The following USP47 variants were observed in gnomAD, a reference collection of about 807,000 sequenced individuals.
USP47 encodes ubiquitin specific peptidase 47.
Under a neutral mutation model 165.1 loss-of-function variants are expected in USP47, and 35 were observed. The observed-to-expected ratio is 0.21, with a 90% confidence interval of 0.16 to 0.28. The LOEUF is 0.28. Among genes scored for constraint, USP47 ranks in the 10% least tolerant of loss-of-function variants. The pLI is 1.00. For missense variants in USP47, 1,277 were observed against 1,607.4 expected, an observed-to-expected ratio of 0.79 and a Z score of 3.52; for synonymous variants, 531 against 544.5, an observed-to-expected ratio of 0.98 and a Z score of 0.35.
At chr11:11,940,817 T>G (rs1855417063) in intron 19 of USP47, among the ~76,000 whole-genome samples, 1 of 151,846 alleles carries the variant, frequency 6.6e-6, no homozygotes, top group South Asian at 2.1e-4. Flanking sequence ...CCTGCATTTT[T>G]TTTTTTTCAG....
At chr11:11,875,872 T>C (rs1461425185) in intron 1 of USP47, among the ~76,000 whole-genome samples, 1 of 152,238 alleles carries the variant, frequency 6.6e-6, no homozygotes, top group Non-Finnish European at 1.5e-5. Flanking sequence ...CAAAGTGCAG[T>C]GATTACAGAT....
intron 3 of USP47, among the ~76,000 whole-genome samples, chr11:11,887,089 A>C (rs1005660364): frequency 6.6e-6 from 1 of 152,194 alleles, no homozygotes; most frequent in African/African-American, 2.4e-5. Context: ...AAAGCACTAA[A>C]TATGGGAAGG....
At chr11:11,902,991 T>TATA in intron 6 of USP47, 131 bp downstream of exon 6, 1 of 999,156 alleles carries the variant, frequency 1.0e-6, no homozygotes, top group Non-Finnish European at 1.4e-6. Context: ...GTCATATATT[T>TATA]TCTAACACAT....
chr11:11,936,516 C>A lies in USP47; in HGVS notation c.2077+6C>A. 6.4e-7 allele frequency: 1 copy of A among 1,553,110 alleles called. No homozygotes were observed. Among genetic ancestry groups the A allele is most frequent in the Non-Finnish European group, 8.7e-7 (1 of 1,144,010 alleles). On this transcript the variant is annotated splice_donor_region_variant and intron_variant, in intron 17 of 27. Coordinates refer to ENST00000527733, the MANE Select transcript of USP47 (RefSeq NM_001282659.2). Reference sequence around the variant, plus strand: ...CCAATCTTATAAACCTGGAGGTGAGCAATTTTACACTATTTTTAGTTGTTC... The same window carrying A: ...CCAATCTTATAAACCTGGAGGTGAGAAATTTTACACTATTTTTAGTTGTTC...
chr11:11,871,724 G>C (rs1850078667), intron 1 of USP47, among the ~76,000 whole-genome samples: 1 of 151,958 alleles, frequency 6.6e-6, no homozygotes. Flanking sequence ...CTTCTGCCCT[G>C]TATCCTGCCC....
Position 11,949,889 on chromosome 11 carries a change from C to A in USP47, c.3349C>A (p.Pro1117Thr). 1 of 1,600,278 alleles carries A rather than the reference C, an allele frequency of 6.2e-7. No individual in the cohort carries two copies. The highest frequency in any genetic ancestry group is 1.1e-5 in the South Asian group (1 of 90,248). Residue 1117 changes from proline (P) to threonine (T), a missense_variant and splice_region_variant, in exon 23 of 28, where the codon CCA (proline) becomes ACA (threonine). Transcript: ENST00000527733. ...VYQLLVNEQE[P>T]CKFLLDAVFA... Reference sequence around the variant, plus strand: ...TGATTGTTTATGTTTATATTTCTAGCCATGCAAGTTTCTGCTAGATGCTGT... The same window carrying A: ...TGATTGTTTATGTTTATATTTCTAGACATGCAAGTTTCTGCTAGATGCTGT...
intron 14 of USP47, among the ~76,000 whole-genome samples, chr11:11,932,189 G>A (rs1470349754): frequency 6.6e-6 from 1 of 152,054 alleles, no homozygotes; most frequent in African/African-American, 2.4e-5. Flanking sequence ...CGGGGTTGGG[G>A]GAGGGGTGCC....
chr11:11,937,674 G>A (rs1855171471), intron 17 of USP47, among the ~76,000 whole-genome samples: 1 of 150,964 alleles, frequency 6.6e-6, no homozygotes, highest in Admixed American at 6.6e-5. Flanking sequence ...ATGCAAGTGT[G>A]GATTGTAAGA....
intron 2 of USP47, among the ~76,000 whole-genome samples, chr11:11,882,596 A>T (rs1229312414): frequency 6.6e-6 from 1 of 152,142 alleles, no homozygotes; most frequent in Non-Finnish European, 1.5e-5. Context: ...TTTCAGTTTA[A>T]AGGATAGTTG....
At chr11:11,879,422 C>G (rs1850687717) in intron 1 of USP47, among the ~76,000 whole-genome samples, 1 of 152,082 alleles carries the variant, frequency 6.6e-6, no homozygotes, top group South Asian at 2.1e-4. Flanking sequence ...TTGATGTAGT[C>G]TTTTACCCCT....
chr11:11,918,231 A>G (rs903137816), intron 8 of USP47, among the ~76,000 whole-genome samples: 2 of 152,142 alleles, frequency 1.3e-5, no homozygotes, highest in Admixed American at 1.3e-4. Flanking sequence ...GACAAACCCA[A>G]ATTGCAGAAC....
chr11:11,948,582 T>G, intron 22 of USP47, 24 bp downstream of exon 22: 1 of 1,527,356 alleles, frequency 6.5e-7, no homozygotes, highest in Non-Finnish European at 9.0e-7. Flanking sequence ...TTAAGAATAA[T>G]ATAAGGTTAC....
In USP47 at chr11:11,903,251, A is replaced by G; in HGVS notation, c.740-12A>G. The G allele has an allele frequency of 2.5e-6, 4 of 1,605,212 alleles. No homozygotes were observed. Among genetic ancestry groups the G allele is most frequent in the Non-Finnish European group, 3.4e-6 (4 of 1,175,884 alleles). ...TTATAGCTATTTCTAATTGAATTTT[A>G]TCTTAAAACAGCTTGGCAGCAGCAT... On this transcript the variant is annotated splice_polypyrimidine_tract_variant and intron_variant, in intron 6 of 27. Coordinates refer to ENST00000527733, the MANE Select transcript of USP47 (RefSeq NM_001282659.2).
In USP47 at chr11:11,897,092, G is replaced by C. The variant is rs116619122; in HGVS notation, c.497-505G>C. 5.9e-3 allele frequency among the ~76,000 whole-genome samples: 885 copies of C among 149,732 alleles called. 10 individuals carry two copies. The highest frequency in any genetic ancestry group is 0.021 in the African/African-American group (833 of 40,570). ...AGTTTGCATGTAGTGAATTTATCTC[G>C]TATGTTATTCATTCTTACAGAAATT... On this transcript the variant is annotated intron_variant, in intron 4 of 27. Coordinates refer to ENST00000527733, the MANE Select transcript of USP47 (RefSeq NM_001282659.2).
Position 11,961,376 on chromosome 11 carries a change from C to T in USP47, c.*5201C>T, listed in dbSNP as rs1847448332. Among the ~76,000 whole-genome samples the T allele has an allele frequency of 6.6e-6, 1 of 151,920 alleles. No individual in the cohort carries two copies. Among genetic ancestry groups the T allele is most frequent in the Non-Finnish European group, 1.5e-5 (1 of 67,980 alleles). ...TGGGCGCAATTTGATCACATGGGTC[C>T]CCAGAAGTGGAGAACCTTTCCCACC... On this transcript the variant is annotated 3_prime_UTR_variant, in exon 28 of 28. Coordinates refer to ENST00000527733, the MANE Select transcript of USP47 (RefSeq NM_001282659.2).
At position 11,920,212 on chromosome 11, in the gene USP47, T is replaced by C. The variant is rs1167556886; in HGVS notation, c.1026T>C (p.Tyr342=). The part of the protein sequence containing the change: ...QPEILDGPNQ[Y]FCERCKKKCD... ...AGATTCTGGATGGCCCAAATCAGTA[T>C]TTTTGTGAACGTTGTAAGAAGAAGT... Residue 342 remains tyrosine, a synonymous_variant, in exon 9 of 28, where the codon TAT becomes TAC. Coordinates refer to ENST00000527733, the MANE Select transcript of USP47 (RefSeq NM_001282659.2). 2 of 1,609,634 alleles carry C rather than the reference T, an allele frequency of 1.2e-6. No homozygotes were observed. Among genetic ancestry groups the C allele is most frequent in the Non-Finnish European group, 1.7e-6 (2 of 1,177,544 alleles).
At chr11:11,869,791 A>G (rs1164007175) in intron 1 of USP47, among the ~76,000 whole-genome samples, 1 of 152,192 alleles carries the variant, frequency 6.6e-6, no homozygotes, top group Non-Finnish European at 1.5e-5. Context: ...CTCTGCCCTC[A>G]TGAATGGACA....
At chr11:11,896,244 G>A (rs1851838114) in intron 4 of USP47, among the ~76,000 whole-genome samples, 1 of 152,072 alleles carries the variant, frequency 6.6e-6, no homozygotes, top group Admixed American at 6.5e-5. Flanking sequence ...AGCCTACCCC[G>A]AAAACATTTT....
intron 1 of USP47, among the ~76,000 whole-genome samples, chr11:11,861,354 T>C (rs947590817): frequency 6.6e-6 from 1 of 152,124 alleles, no homozygotes; most frequent in Admixed American, 6.5e-5. Flanking sequence ...CCTTGGCCTC[T>C]GAAAGTGCTG....
Sources: allele counts gnomAD v4.1 joint callset (sites outside exome capture counted in the v4.1 genomes callset), GRCh38; gene constraint gnomAD v4.1.1; transcripts MANE v1.5; gene names NCBI Gene and HGNC (gene_info 2026-07-23, HGNC 2026-07-21).